SH2D2A: variants seen among roughly 807,000 people sequenced by gnomAD.
SH2D2A encodes the protein SH2 domain-containing protein 2A.
Under a neutral mutation model 43.6 loss-of-function variants are expected in SH2D2A, and 33 were observed. The ratio of observed to expected loss-of-function variants is 0.76; its 90% CI spans 0.57 to 1.01. The LOEUF is 1.01. Among genes scored for constraint, SH2D2A ranks in the 50% least tolerant of loss-of-function variants. The pLI is 0.00. For missense variants in SH2D2A, 491 were observed against 503.1 expected (o/e 0.98, Z 0.23); for synonymous variants, 212 against 206.1 (o/e 1.03, Z -0.25).
Position 156,807,137 on chromosome 1 carries a change from C to G in SH2D2A, c.*3+38G>C. 6.3e-7 allele frequency: 1 copy of G among 1,592,634 alleles called. No homozygotes were observed. Among genetic ancestry groups the G allele is most frequent in the Non-Finnish European group, 8.6e-7 (1 of 1,162,928 alleles). On this transcript the variant is annotated intron_variant, in intron 8 of 8. Transcript: ENST00000368199. This position sits in a 1 kb window ranked among gnomAD's most constrained non-coding sequence, Gnocchi z 5.1. ...CAGGTGTGTGTGAAGGTCTCTGGAC[C>G]TGATGCTCCAAGTTATCCTCACCAA...
At chr1:156,814,516 G>C (rs1336567400) in intron 3 of SH2D2A, 1 of 779,480 alleles carries the variant, frequency 1.3e-6, no homozygotes, top group African/African-American at 1.8e-5. Context: ...GGAGACCCCC[G>C]CATCCTCCCC....
chr1:156,813,952 C>T lies in SH2D2A; in HGVS notation c.463G>A (p.Gly155Ser). 1 of 1,531,620 alleles carries T rather than the reference C, an allele frequency of 6.5e-7. No individual in the cohort carries two copies. The highest frequency in any genetic ancestry group is 8.7e-7 in the Non-Finnish European group (1 of 1,143,008). The allele number at this position is 1,531,620 out of a possible 1,614,324, so 94.9% of individuals were successfully genotyped here. A position where few individuals can be genotyped will look rare whatever the true frequency, so the allele number is the denominator to read the frequency against. The part of the protein sequence containing the change: ...QLRDGRHVVL[G>S]EDSAHARLQD... ...AGCCGCGCGTGGGCGCTGTCCTCGC[C>T]CAGCACCACGTGGCGCCCGTCCCTG... The change falls in exon 5 of 9, where the codon GGC (glycine) becomes AGC (serine). Residue 155 changes from glycine (G) to serine (S), a missense_variant. Coordinates refer to ENST00000368199, the MANE Select transcript of SH2D2A (RefSeq NM_003975.4).
At chr1:156,812,398 C>T (rs975445920) in intron 5 of SH2D2A, among the ~76,000 whole-genome samples, 1 of 152,188 alleles carries the variant, frequency 6.6e-6, no homozygotes, top group East Asian at 1.9e-4. Context: ...CCTCAGTCAC[C>T]GGATCCACCC....
At chr1:156,814,443 C>A in intron 3 of SH2D2A, 149 bp from the exon 4 acceptor site, 1 of 1,382,920 alleles carries the variant, frequency 7.2e-7, no homozygotes, top group East Asian at 2.5e-5. Flanking sequence ...GGAGAGAGAG[C>A]ACGTGGGCGC....
intron 3 of SH2D2A, 51 bp downstream of exon 3, chr1:156,814,986 C>A: frequency 7.1e-6 from 10 of 1,417,346 alleles, no homozygotes; most frequent in Non-Finnish European, 9.3e-6. Flanking sequence ...GGACCCAGAC[C>A]CAGGACTTGC....
intron 3 of SH2D2A, 121 bp from the exon 4 acceptor site, chr1:156,814,415 A>G (rs1653689532): frequency 2.0e-6 from 3 of 1,490,252 alleles, no homozygotes; most frequent in Non-Finnish European, 2.7e-6. Flanking sequence ...GGCTAGAGAA[A>G]GGCTAGGGCG....
rs780618871 is a variant in SH2D2A, at chr1:156,809,263, G to A, written c.942C>T (p.Pro314=). Residue 314 remains proline (P), a synonymous_variant, in exon 7 of 9, where the codon CCC becomes CCT. Transcript: ENST00000368199. This position sits in a 1 kb window ranked among gnomAD's most constrained non-coding sequence, Gnocchi z 4.8. ...GTAGGACAGGGTGCCCAAGGGTGGC[G>A]GGTAGGCCCTCATCTTCCACTTCCA... The part of the protein sequence containing the change: ...IYVEVEDEGL[P]ATLGHPVLRK... The A allele has an allele frequency of 6.2e-6, 10 of 1,613,978 alleles. No individual in the cohort carries two copies. The highest frequency in any genetic ancestry group is 1.6e-4 in the Middle Eastern group (1 of 6,082).
chr1:156,809,661 C>T lies in SH2D2A; in HGVS notation c.714G>A (p.Glu238=), dbSNP rs748340380. The change falls in exon 6 of 9, where the codon GAG becomes GAA. Residue 238 remains glutamate (E), a splice_region_variant and synonymous_variant. Transcript: ENST00000368199. This position sits in a 1 kb window ranked among gnomAD's most constrained non-coding sequence, Gnocchi z 4.8. ...TCCCTCAGCCCCTGCAGCCCAATAC[C>T]TCCTTCTCCCCGGCCCCCTCTTTCT... ...PMQKEGAGEK[E]PSQLLRPKPP... 1.9e-6 allele frequency: 3 copies of T among 1,609,026 alleles called. No homozygotes were observed. The highest frequency in any genetic ancestry group is 1.7e-4 in the Middle Eastern group (1 of 5,962).
intron 4 of SH2D2A, 87 bp from the exon 5 acceptor site, chr1:156,814,103 C>G (rs1653641573): frequency 7.9e-6 from 12 of 1,521,720 alleles, no homozygotes; most frequent in East Asian, 2.4e-5. Context: ...TTCAGCAGCC[C>G]GGGGAATGAG....
intron 3 of SH2D2A, chr1:156,814,641 GAGTT>G: frequency 4.9e-6 from 2 of 410,888 alleles, no homozygotes; most frequent in Non-Finnish European, 8.7e-6. Flanking sequence ...GGTGAACAAA[GAGTT>G]AGGGAGAAAT....
Position 156,809,363 on chromosome 1 carries a change from T to C in SH2D2A, c.842A>G (p.Asn281Ser). The C allele has an allele frequency of 6.2e-7, 1 of 1,613,992 alleles. No homozygotes were observed. The highest frequency in any genetic ancestry group is 1.1e-5 in the South Asian group (1 of 91,078). The change falls in exon 7 of 9, where the codon AAT becomes AGT. Residue 281 changes from asparagine (N) to serine (S), a missense_variant. Asn to Ser is a conservative substitution (Grantham distance 46). Coordinates refer to ENST00000368199, the MANE Select transcript of SH2D2A (RefSeq NM_003975.4). The surrounding 1 kb of genome is among the most constrained non-coding windows in gnomAD (Gnocchi z 4.8). ...GAAAGCTATGGGTTCATCAGGCTCATTGTAGATAGGATTGGAGGGCTTGGG... is the reference window on the plus strand; with the variant it reads ...GAAAGCTATGGGTTCATCAGGCTCACTGTAGATAGGATTGGAGGGCTTGGG... ...PRPKPSNPIY[N>S]EPDEPIAFYA...
chr1:156,816,767 T>G lies in SH2D2A; in HGVS notation c.-59A>C. 6.7e-7 allele frequency: 1 copy of G among 1,482,132 alleles called. No individual in the cohort carries two copies. The highest frequency in any genetic ancestry group is 9.1e-7 in the Non-Finnish European group (1 of 1,104,204). 91.8% of individuals were successfully genotyped at this position (1,482,132 alleles called of 1,614,324 possible). A position where few individuals can be genotyped will look rare whatever the true frequency, so the allele number is the denominator to read the frequency against. On this transcript the variant is annotated 5_prime_UTR_variant, in exon 1 of 9. Transcript: ENST00000368199. Reference sequence around the variant, plus strand: ...TGTGTGTATGTGTTCCGGAAAGGTGTGCACACTCAGCAACTCATCATCTCT... The same window carrying G: ...TGTGTGTATGTGTTCCGGAAAGGTGGGCACACTCAGCAACTCATCATCTCT...
Position 156,815,091 on chromosome 1 carries a change from C to T in SH2D2A, c.254G>A (p.Trp85Ter), listed in dbSNP as rs370660402. 3.1e-6 allele frequency: 5 copies of T among 1,607,918 alleles called. No individual in the cohort carries two copies. Among genetic ancestry groups the T allele is most frequent in the Non-Finnish European group, 4.2e-6 (5 of 1,177,170 alleles). The change falls in exon 3 of 9, where the codon TGG (tryptophan) becomes TAG (stop). Residue 85 changes from tryptophan (W) to a stop codon, truncating the protein, a stop_gained. Coordinates refer to ENST00000368199, the MANE Select transcript of SH2D2A (RefSeq NM_003975.4). LOFTEE classifies it high-confidence loss of function. ...AGGGGCTGCCCCGTGCTGCAGGAGC[C>T]AGTGGGCCTGGGTCTTCTGGAACCA... is the stretch of plus-strand genomic sequence containing the variant. ...RAWFQKTQAH[W>*]LLQHGAAPAW...
chr1:156,808,633 T>C (rs1026703875), intron 7 of SH2D2A, among the ~76,000 whole-genome samples: 2 of 151,822 alleles, frequency 1.3e-5, no homozygotes, highest in Non-Finnish European at 2.9e-5. Context: ...GGCTAACCCA[T>C]GGCATGAGGT....
At chr1:156,810,142 C>A (rs1653312112) in intron 5 of SH2D2A, among the ~76,000 whole-genome samples, 1 of 152,208 alleles carries the variant, frequency 6.6e-6, no homozygotes, top group East Asian at 1.9e-4. Context: ...CTCAAGCTAT[C>A]CTCTTGCCTC....
chr1:156,807,119 G>T lies in SH2D2A; in HGVS notation c.*3+56C>A. The T allele has an allele frequency of 6.9e-7, 1 of 1,449,106 alleles. No homozygotes were observed. The highest frequency in any genetic ancestry group is 9.7e-7 in the Non-Finnish European group (1 of 1,033,140). The allele number at this position is 1,449,106 out of a possible 1,614,324, so 89.8% of individuals were successfully genotyped here. A position where few individuals can be genotyped will look rare whatever the true frequency, so the allele number is the denominator to read the frequency against. On this transcript the variant is annotated intron_variant, in intron 8 of 8. Coordinates refer to ENST00000368199, the MANE Select transcript of SH2D2A (RefSeq NM_003975.4). The surrounding 1 kb of genome is among the most constrained non-coding windows in gnomAD (Gnocchi z 5.1). Reference sequence around the variant, plus strand: ...ATTTCTTGAGAAGTGTGCCAGGTGTGTGTGAAGGTCTCTGGACCTGATGCT... The same window carrying T: ...ATTTCTTGAGAAGTGTGCCAGGTGTTTGTGAAGGTCTCTGGACCTGATGCT...
At position 156,812,303 on chromosome 1, in the gene SH2D2A, G is replaced by A. The variant is rs539091133; in HGVS notation, c.567+1545C>T. ...TAAGTCTCCAGTGCCACCTCGTCTC[G>A]CTCAGAATAAAACTTCAAATGCATA... On this transcript the variant is annotated intron_variant, in intron 5 of 8. Transcript: ENST00000368199. Among the ~76,000 whole-genome samples, 3 of 152,098 alleles carry A rather than the reference G, an allele frequency of 2.0e-5. No homozygotes were observed. In the East Asian group the frequency reaches 5.8e-4, roughly 29 times the overall value.
chr1:156,816,792 T>G lies in SH2D2A; in HGVS notation c.-84A>C. The G allele has an allele frequency of 3.1e-6, 4 of 1,300,018 alleles. No homozygotes were observed. Among genetic ancestry groups the G allele is most frequent in the Non-Finnish European group, 3.1e-6 (3 of 962,874 alleles). 80.5% of individuals were successfully genotyped at this position (1,300,018 alleles called of 1,614,324 possible). A position where few individuals can be genotyped will look rare whatever the true frequency, so the allele number is the denominator to read the frequency against. On this transcript the variant is annotated 5_prime_UTR_variant, in exon 1 of 9. Coordinates refer to ENST00000368199, the MANE Select transcript of SH2D2A (RefSeq NM_003975.4). ...TGCACACTCAGCAACTCATCATCTCTCCTCTCACCCTGGCCCCGGGGGCAG... is the reference window on the plus strand; with the variant it reads ...TGCACACTCAGCAACTCATCATCTCGCCTCTCACCCTGGCCCCGGGGGCAG...
In SH2D2A at chr1:156,807,117, G is replaced by A; in HGVS notation, c.*3+58C>T. On this transcript the variant is annotated intron_variant, in intron 8 of 8. Transcript: ENST00000368199. The surrounding 1 kb of genome is among the most constrained non-coding windows in gnomAD (Gnocchi z 5.1). ...ACATTTCTTGAGAAGTGTGCCAGGT[G>A]TGTGTGAAGGTCTCTGGACCTGATG... 7.0e-7 allele frequency: 1 copy of A among 1,418,976 alleles called. No homozygotes were observed. 87.9% of individuals were successfully genotyped at this position (1,418,976 alleles called of 1,614,324 possible).
Sources: allele counts gnomAD v4.1 joint callset (sites outside exome capture counted in the v4.1 genomes callset), GRCh38; gene constraint gnomAD v4.1.1; non-coding constraint Gnocchi (gnomAD v3.1); transcripts MANE v1.5; gene names NCBI Gene and HGNC (gene_info 2026-07-23, HGNC 2026-07-21).